KIF4A: variants seen among roughly 807,000 people sequenced by gnomAD.
The protein encoded by KIF4A is chromosome-associated kinesin KIF4A.
A neutral mutation model predicts 105.9 loss-of-function variants in KIF4A; 7 were observed. The observed-to-expected ratio is 0.07, with a 90% CI of 0.04 to 0.12. The LOEUF is 0.12. Ranked by LOEUF, KIF4A falls within the 10% of genes least tolerant of loss-of-function variation. The probability of loss-of-function intolerance (pLI) is 1.00; values close to 1 mark genes in which losing one functional copy is unlikely to be tolerated. For synonymous variants in KIF4A, 281 were observed against 331.3 expected, an observed-to-expected ratio of 0.85 and a Z score of 1.65; for missense variants, 558 against 929.2, an observed-to-expected ratio of 0.60 and a Z score of 5.19.
chrX:70,329,965 A>G (rs2085924256), intron 8 of KIF4A, among the ~76,000 whole-genome samples, 192 bp from the exon 9 acceptor site: 1 of 111,757 alleles, frequency 8.9e-6, no homozygotes, highest in African/African-American at 3.3e-5. Context: ...GACACATGCA[A>G]TAGGATTTAA....
intron 3 of KIF4A, among the ~76,000 whole-genome samples, chrX:70,293,325 A>G (rs2085768284): frequency 8.9e-6 from 1 of 112,667 alleles, no homozygotes; most frequent in African/African-American, 3.2e-5. Context: ...ATCATTTAAC[A>G]GAGAAAGCTT....
Position 70,386,530 on chromosome X carries a change from T to C in KIF4A, c.2035-88T>C, listed in dbSNP as rs1015529998. The C allele has an allele frequency of 3.6e-5, 24 of 667,450 alleles. 1 individual carries two copies. The Middle Eastern group carries it at 3.8e-3, about 105-fold the overall frequency. The allele number at this position is 667,450 out of a possible 1,213,427, so 55.0% of individuals were successfully genotyped here. ...ACTGTATTGTAGTTAACCTTACAAA[T>C]CAAGGATGTCTTGAGAGACACCTTA... On this transcript the variant is annotated intron_variant, in intron 18 of 30. Coordinates refer to ENST00000374403, the MANE Select transcript of KIF4A (RefSeq NM_012310.5).
chrX:70,391,963 T>TA (rs397896861), intron 20 of KIF4A, among the ~76,000 whole-genome samples: 51 of 111,622 alleles, frequency 4.6e-4, no homozygotes, highest in African/African-American at 1.6e-3. Context: ...TTCTTTTTTT[T>TA]ATGGCTGTGT....
chrX:70,377,384 A>C (rs753709693), intron 18 of KIF4A, among the ~76,000 whole-genome samples: 8 of 111,852 alleles, frequency 7.2e-5, no homozygotes, highest in Non-Finnish European at 1.3e-4. Context: ...TACTTTAATA[A>C]TGGATAGAAC....
chrX:70,401,368 TCG>T (rs770302239), intron 22 of KIF4A, among the ~76,000 whole-genome samples: 1 of 106,123 alleles, frequency 9.4e-6, no homozygotes, highest in East Asian at 3.0e-4. Flanking sequence ...GTGAACTACC[TCG>T]CCCAGCCTAG....
intron 3 of KIF4A, among the ~76,000 whole-genome samples, chrX:70,295,422 G>A (rs1334317743): frequency 9.2e-6 from 1 of 108,593 alleles, no homozygotes; most frequent in Admixed American, 9.8e-5. Context: ...CGATCTGCCC[G>A]CCTCGGCCTC....
chrX:70,327,592 A>G lies in KIF4A; in HGVS notation c.779-1813A>G, dbSNP rs1294982369. On this transcript the variant is annotated intron_variant, in intron 7 of 30. Coordinates refer to ENST00000374403, the MANE Select transcript of KIF4A (RefSeq NM_012310.5). ...AAGTATTTGGTGAAATCATCTACCA[A>G]TAGAAAGTGAAGATAGGTTTATATT... Among the ~76,000 whole-genome samples, 8 of 112,151 alleles carry G rather than the reference A, an allele frequency of 7.1e-5. No individual in the cohort carries two copies. In the South Asian group the frequency reaches 1.1e-3, roughly 16 times the overall value.
Position 70,345,554 on chromosome X carries a change from A to G in KIF4A, c.1431+1572A>G, listed in dbSNP as rs746347079. ...TCCAGGTAACTTCCCAAGTAAAGCA[A>G]GATTGGAGCTTTATAGAGTAAAGAG... is the stretch of plus-strand genomic sequence containing the variant. On this transcript the variant is annotated intron_variant, in intron 13 of 30. Coordinates refer to ENST00000374403, the MANE Select transcript of KIF4A (RefSeq NM_012310.5). Among the ~76,000 whole-genome samples the G allele has an allele frequency of 2.6e-4, 29 of 111,654 alleles. 1 individual carries two copies. In the Admixed American group the frequency reaches 2.8e-3, roughly 11 times the overall value.
At chrX:70,349,536 C>T (rs1180513207) in intron 13 of KIF4A, among the ~76,000 whole-genome samples, 1 of 55,783 alleles carries the variant, frequency 1.8e-5, no homozygotes, top group Non-Finnish European at 3.3e-5. Flanking sequence ...CTACTCAGAC[C>T]GGGCAGCCGG....
chrX:70,317,166 A>G (rs1231345009), intron 7 of KIF4A, among the ~76,000 whole-genome samples: 1 of 111,838 alleles, frequency 8.9e-6, no homozygotes, highest in African/African-American at 3.3e-5. Flanking sequence ...GAATAATGCT[A>G]TGAATATTCT....
intron 7 of KIF4A, among the ~76,000 whole-genome samples, chrX:70,323,196 A>G (rs1013591195): frequency 1.8e-5 from 2 of 110,663 alleles, no homozygotes; most frequent in African/African-American, 6.6e-5. Context: ...TCCCAACTTC[A>G]TCCCCTTAAA....
At chrX:70,404,268 G>C (rs1265725991) in intron 24 of KIF4A, among the ~76,000 whole-genome samples, 1 of 111,705 alleles carries the variant, frequency 9.0e-6, no homozygotes, top group Non-Finnish European at 1.9e-5. Flanking sequence ...ATATTAACAT[G>C]CTGAGAAACA....
intron 15 of KIF4A, among the ~76,000 whole-genome samples, chrX:70,359,951 G>T (rs1366451807): frequency 8.9e-6 from 1 of 111,829 alleles, no homozygotes; most frequent in East Asian, 2.8e-4. Context: ...CCCACTAAAA[G>T]CCAAAGGTTT....
intron 15 of KIF4A, among the ~76,000 whole-genome samples, chrX:70,365,936 A>T (rs764959976): frequency 3.2e-4 from 36 of 111,629 alleles, no homozygotes; most frequent in African/African-American, 1.0e-3. Context: ...TTACTGGTCT[A>T]TTCAGAGATT....
intron 15 of KIF4A, among the ~76,000 whole-genome samples, chrX:70,359,453 C>T (rs751422984): frequency 8.3e-5 from 9 of 108,155 alleles, no homozygotes; most frequent in Middle Eastern, 4.8e-3. Context: ...CTCTCTCTCT[C>T]TCTTTCTTTC....
Position 70,341,920 on chromosome X carries a change from A to G in KIF4A, c.1255A>G (p.Arg419Gly). 8.3e-7 allele frequency: 1 copy of G among 1,208,322 alleles called. No individual in the cohort carries two copies. Among genetic ancestry groups the G allele is most frequent in the Non-Finnish European group, 1.1e-6 (1 of 894,381 alleles). Reference sequence around the variant, plus strand: ...TGGTCAGACAGCCCAGATGTTGGAGAGGATCATTTTGGTAAGCCCCCAAGA... The same window carrying G: ...TGGTCAGACAGCCCAGATGTTGGAGGGGATCATTTTGGTAAGCCCCCAAGA... ...AAGQTAQMLE[R>G]IILTEQANEK... The change falls in exon 11 of 31, where the codon AGG becomes GGG. Residue 419 changes from arginine (R) to glycine (G), a missense_variant. Arg to Gly is a moderately radical substitution (Grantham distance 125). This residue lies in a region of KIF4A where 469 missense variants were observed against 680.4 expected (regional missense o/e 0.69). Coordinates refer to ENST00000374403, the MANE Select transcript of KIF4A (RefSeq NM_012310.5).
At position 70,325,820 on chromosome X, in the gene KIF4A, T is replaced by A. The variant is rs756058043; in HGVS notation, c.779-3585T>A. ...TCCTTGTAGATTATCCAAGTTTTTC[T>A]ACTCCATTAATAATAACTTAAATAT... On this transcript the variant is annotated intron_variant, in intron 7 of 30. Coordinates refer to ENST00000374403, the MANE Select transcript of KIF4A (RefSeq NM_012310.5). Among the ~76,000 whole-genome samples, 4 of 110,443 alleles carry A rather than the reference T, an allele frequency of 3.6e-5. No homozygotes were observed. In the East Asian group the frequency reaches 1.1e-3, roughly 31 times the overall value.
At chrX:70,384,973 T>G (rs2086212430) in intron 18 of KIF4A, among the ~76,000 whole-genome samples, 1 of 109,305 alleles carries the variant, frequency 9.1e-6, no homozygotes, top group Non-Finnish European at 1.9e-5. Flanking sequence ...CAATTTTTTT[T>G]TGTATTTTTA....
At chrX:70,364,465 C>T (rs1157525965) in intron 15 of KIF4A, among the ~76,000 whole-genome samples, 1 of 108,348 alleles carries the variant, frequency 9.2e-6, no homozygotes, top group Non-Finnish European at 1.9e-5. Context: ...ATATGGCTAG[C>T]CAGTTTTCCC....
Sources: allele counts gnomAD v4.1 joint callset (sites outside exome capture counted in the v4.1 genomes callset), GRCh38; gene constraint gnomAD v4.1.1; regional missense constraint gnomAD v4.1.1; transcripts MANE v1.5; gene names NCBI Gene and HGNC (gene_info 2026-07-23, HGNC 2026-07-21).